The following PHACTR1 variants were observed in gnomAD, a reference collection of about 807,000 sequenced individuals.
PHACTR1 encodes the protein RPEL repeat containing 1.
In PHACTR1, 16 loss-of-function variants were observed where a neutral mutation model predicts 69.2. The observed-to-expected ratio is 0.23, with a 90% CI of 0.16 to 0.35. PHACTR1 has a LOEUF of 0.35. Among genes scored for constraint, PHACTR1 ranks in the 10% least tolerant of loss-of-function variants. The pLI is 1.00. For missense variants in PHACTR1, 510 were observed against 734.7 expected (o/e 0.69, Z 3.54); for synonymous variants, 312 against 284.5 (o/e 1.10, Z -0.97).
intron 4 of PHACTR1, among the ~76,000 whole-genome samples, chr6:12,878,330 T>C (rs995984372): frequency 2.6e-5 from 4 of 152,242 alleles, no homozygotes; most frequent in African/African-American, 9.6e-5. Context: ...ATGGATTTGA[T>C]GAACTTTTGA....
intron 5 of PHACTR1, among the ~76,000 whole-genome samples, chr6:13,127,635 G>A (rs930723415): frequency 3.3e-5 from 5 of 152,146 alleles, no homozygotes; most frequent in Non-Finnish European, 5.9e-5. Context: ...GTTTTTAAGG[G>A]CCTTTAACTC....
At chr6:12,938,065 A>C (rs1789658605) in intron 4 of PHACTR1, among the ~76,000 whole-genome samples, 1 of 151,946 alleles carries the variant, frequency 6.6e-6, no homozygotes, top group Non-Finnish European at 1.5e-5. Context: ...ACGCCACTGC[A>C]CTCCAGCCTG....
At chr6:12,739,617 G>A (rs2127583069) in intron 3 of PHACTR1, among the ~76,000 whole-genome samples, 1 of 152,170 alleles carries the variant, frequency 6.6e-6, no homozygotes, top group East Asian at 1.9e-4. Context: ...ATGGCTCACT[G>A]CAGACTCAGC....
intron 10 of PHACTR1, among the ~76,000 whole-genome samples, chr6:13,252,054 TAAAAAAA>T (rs551938563): frequency 7.4e-6 from 1 of 134,774 alleles, no homozygotes; most frequent in Admixed American, 7.5e-5. Context: ...GATCCTGCCT[TAAAAAAA>T]AAAAAAAGAA....
chr6:13,283,594 G>C lies in PHACTR1; in HGVS notation c.1650+32G>C. On this transcript the variant is annotated intron_variant, in intron 13 of 14. Transcript: ENST00000332995. The surrounding 1 kb of genome is among the most constrained non-coding windows in gnomAD (Gnocchi z 4.7). ...AGAGGGGAGTGCTGGAGAGTGGGAG[G>C]CAGGACCGTCTGCTGGGTCTCGCTG... 1.2e-6 allele frequency: 2 copies of C among 1,613,504 alleles called. No individual in the cohort carries two copies. Among genetic ancestry groups the C allele is most frequent in the Non-Finnish European group, 1.7e-6 (2 of 1,179,834 alleles).
intron 10 of PHACTR1, among the ~76,000 whole-genome samples, chr6:13,239,564 C>T (rs202063): frequency 0.16 from 23,901 of 152,122 alleles, 2,969 homozygotes; most frequent in African/African-American, 0.32. Context: ...GATAAGAAGA[C>T]TTGAGCAAGA....
At chr6:12,806,707 G>A (rs1005641649) in intron 4 of PHACTR1, among the ~76,000 whole-genome samples, 3 of 151,934 alleles carry the variant, frequency 2.0e-5, no homozygotes, top group Non-Finnish European at 2.9e-5. Context: ...CTTTTATACA[G>A]TATTATTTAG....
intron 13 of PHACTR1, among the ~76,000 whole-genome samples, chr6:13,284,534 AAAAAAAAAAATATATATATAT>A (rs1406426120): frequency 1.8e-5 from 2 of 110,326 alleles, no homozygotes; most frequent in Non-Finnish European, 3.4e-5. Flanking sequence ...AAAAAAAAAA[AAAAAAAAAAATATATATATAT>A]ATATATATAT....
rs541695329 is a variant in PHACTR1 at position 12,888,326 on chromosome 6, C to G, written c.250+138536C>G. ...GAATGGGCCCTCACCAGACACCAAA[C>G]CTGTGGGTGCCTTGATTTTGGACTT... is the stretch of plus-strand genomic sequence containing the variant. On this transcript the variant is annotated intron_variant, in intron 4 of 14. Coordinates refer to ENST00000332995, the MANE Select transcript of PHACTR1 (RefSeq NM_030948.6). 1.4e-4 allele frequency among the ~76,000 whole-genome samples: 21 copies of G among 152,210 alleles called. No individual in the cohort carries two copies. In the South Asian group the frequency reaches 3.9e-3, roughly 29 times the overall value.
At chr6:12,877,380 T>A (rs1782635511) in intron 4 of PHACTR1, among the ~76,000 whole-genome samples, 3 of 152,168 alleles carry the variant, frequency 2.0e-5, no homozygotes, top group African/African-American at 7.2e-5. Flanking sequence ...CCATCCAGGG[T>A]GACAGTAGAG....
At chr6:12,856,118 T>G (rs1348828253) in intron 4 of PHACTR1, among the ~76,000 whole-genome samples, 1 of 152,220 alleles carries the variant, frequency 6.6e-6, no homozygotes, top group East Asian at 1.9e-4. Flanking sequence ...TAAATTCAAC[T>G]ACAGCCCTAT....
chr6:13,144,245 A>C (rs767195885), intron 5 of PHACTR1, among the ~76,000 whole-genome samples: 8 of 152,232 alleles, frequency 5.3e-5, no homozygotes, highest in Non-Finnish European at 8.8e-5. Flanking sequence ...TAAAGGTTTA[A>C]AGATTGAAAG....
chr6:12,850,071 T>C (rs1779674079), intron 4 of PHACTR1, among the ~76,000 whole-genome samples: 1 of 152,250 alleles, frequency 6.6e-6, no homozygotes. Flanking sequence ...TCTCCTGCCA[T>C]GTCATGGTAT....
At chr6:12,768,770 G>A (rs906705932) in intron 4 of PHACTR1, among the ~76,000 whole-genome samples, 17 of 146,862 alleles carry the variant, frequency 1.2e-4, no homozygotes, top group Non-Finnish European at 7.4e-5. Flanking sequence ...TTCCATAATG[G>A]CCCATCTACA....
At chr6:12,872,650 G>C (rs1782153560) in intron 4 of PHACTR1, among the ~76,000 whole-genome samples, 1 of 152,146 alleles carries the variant, frequency 6.6e-6, no homozygotes, top group Non-Finnish European at 1.5e-5. Flanking sequence ...TGTGAGCCTG[G>C]TTCCTTTCAG....
chr6:12,941,809 G>A (rs985067353), intron 4 of PHACTR1, among the ~76,000 whole-genome samples: 3 of 152,160 alleles, frequency 2.0e-5, no homozygotes, highest in Admixed American at 6.5e-5. Flanking sequence ...TGTTTGTAAC[G>A]CTGAAGGCTT....
intron 3 of PHACTR1, among the ~76,000 whole-genome samples, chr6:12,726,064 A>C (rs1381870371): frequency 1.3e-5 from 2 of 152,182 alleles, no homozygotes; most frequent in Non-Finnish European, 2.9e-5. Flanking sequence ...TGCAAAAATA[A>C]TATTCAAATA....
At chr6:13,063,632 T>C (rs552572490) in intron 5 of PHACTR1, among the ~76,000 whole-genome samples, 1 of 151,910 alleles carries the variant, frequency 6.6e-6, no homozygotes, top group African/African-American at 2.4e-5. Context: ...AATTAAAAAT[T>C]AGCTGAGTGT....
chr6:12,849,352 C>T (rs1779606091), intron 4 of PHACTR1, among the ~76,000 whole-genome samples: 1 of 152,174 alleles, frequency 6.6e-6, no homozygotes, highest in South Asian at 2.1e-4. Context: ...CTTGTATGAA[C>T]ACATATACTT....
Sources: gnomAD v4.1 joint callset for allele counts (sites outside exome capture counted in the v4.1 genomes callset) on GRCh38, gnomAD v4.1.1 for gene constraint, Gnocchi (gnomAD v3.1) non-coding constraint, MANE v1.5 for transcripts, NCBI Gene and HGNC (gene_info 2026-07-23, HGNC 2026-07-21) for gene names.